DDHD1: variants seen among roughly 807,000 people sequenced by gnomAD.
DDHD1 encodes DDHD domain containing 1.
A neutral mutation model predicts 96.4 loss-of-function variants in DDHD1; 49 were observed. That is an observed-to-expected ratio of 0.51 (90% CI 0.40 to 0.64). DDHD1 has a LOEUF of 0.64. Ranked by LOEUF, DDHD1 falls within the 30% of genes least tolerant of loss-of-function variation. The pLI, the probability that DDHD1 is intolerant of heterozygous loss-of-function variation, is 0.00. For synonymous variants in DDHD1, 442 were observed against 446.5 expected, an observed-to-expected ratio of 0.99 and a Z score of 0.13; for missense variants, 1,106 against 1,161.2, an observed-to-expected ratio of 0.95 and a Z score of 0.69.
chr14:53,112,716 G>A (rs1888201150), intron 1 of DDHD1, among the ~76,000 whole-genome samples: 1 of 152,154 alleles, frequency 6.6e-6, no homozygotes, highest in Non-Finnish European at 1.5e-5. Context: ...TAAGTAACAT[G>A]TGGAATAGTC....
At position 53,153,202 on chromosome 14, in the gene DDHD1, T is replaced by C. The variant is rs1195879146; in HGVS notation, c.-104A>G. On this transcript the variant is annotated 5_prime_UTR_variant, in exon 1 of 13. Coordinates refer to ENST00000673822, the MANE Select transcript of DDHD1 (RefSeq NM_001160148.2). Reference sequence around the variant, plus strand: ...CGCCCTCTCCACCCGAAGTTTCTAATCTTTCAAATCCCGACCCGAGCTGCG... The same window carrying C: ...CGCCCTCTCCACCCGAAGTTTCTAACCTTTCAAATCCCGACCCGAGCTGCG... The C allele has an allele frequency of 9.4e-7, 1 of 1,069,314 alleles. No individual in the cohort carries two copies. Among genetic ancestry groups the C allele is most frequent in the Non-Finnish European group, 1.2e-6 (1 of 809,932 alleles). The allele number at this position is 1,069,314 out of a possible 1,614,324, so 66.2% of individuals were successfully genotyped here. A position where few individuals can be genotyped will look rare whatever the true frequency, so the allele number is the denominator to read the frequency against.
intron 1 of DDHD1, among the ~76,000 whole-genome samples, chr14:53,141,735 T>G (rs556622456): frequency 6.6e-6 from 1 of 152,308 alleles, no homozygotes; most frequent in East Asian, 1.9e-4. Flanking sequence ...TAAGGTGAAG[T>G]GTGAAACTTC....
At chr14:53,116,308 C>T (rs373521523) in intron 1 of DDHD1, among the ~76,000 whole-genome samples, 38 of 152,230 alleles carry the variant, frequency 2.5e-4, no homozygotes, top group African/African-American at 6.5e-4. Context: ...CAATATTAGA[C>T]GGATCAATGA....
At position 53,045,499 on chromosome 14, in the gene DDHD1, C is replaced by G. The variant is rs867841284; in HGVS notation, c.*1269G>C. ...TTGGCCTCCCGAAGTGTTGGGATTA[C>G]AGGCGTGAACCACGGTGACTAGCTC... On this transcript the variant is annotated 3_prime_UTR_variant, in exon 13 of 13. Coordinates refer to ENST00000673822, the MANE Select transcript of DDHD1 (RefSeq NM_001160148.2). 6.6e-6 allele frequency: 1 copy of G among 152,260 alleles called. No individual in the cohort carries two copies. The highest frequency in any genetic ancestry group is 2.4e-5 in the African/African-American group (1 of 41,462). 9.4% of individuals were successfully genotyped at this position (152,260 alleles called of 1,614,324 possible). A position where few individuals can be genotyped will look rare whatever the true frequency, so the allele number is the denominator to read the frequency against.
At chr14:53,078,846 T>C (rs1228873934) in intron 4 of DDHD1, among the ~76,000 whole-genome samples, 1 of 152,228 alleles carries the variant, frequency 6.6e-6, no homozygotes, top group Non-Finnish European at 1.5e-5. Flanking sequence ...AGGCTTTTTG[T>C]AGATGCCCTT....
intron 1 of DDHD1, 148 bp downstream of exon 1, chr14:53,152,113 G>GAGTA: frequency 2.4e-6 from 2 of 833,738 alleles, no homozygotes; most frequent in Non-Finnish European, 3.6e-6. Flanking sequence ...AGCTGCCGAC[G>GAGTA]CTCCCTGCTC....
Position 53,059,401 on chromosome 14 carries a change from C to T in DDHD1, c.1843-775G>A, listed in dbSNP as rs962115008. On this transcript the variant is annotated intron_variant, in intron 8 of 12. Transcript: ENST00000673822. ...CTGGAACTACAGGCGCCCGCCACCA[C>T]GCCCAGCTAATTTTTTTGTATTTTT... Among the ~76,000 whole-genome samples the T allele has an allele frequency of 5.3e-5, 8 of 151,744 alleles. 1 individual carries two copies. The highest frequency in any genetic ancestry group is 4.2e-4 in the South Asian group (2 of 4,804).
chr14:53,103,449 A>G (rs868672839), intron 2 of DDHD1: 1 of 418,850 alleles, frequency 2.4e-6, no homozygotes. Flanking sequence ...GTACATTTAT[A>G]GTAAACTGTG....
At chr14:53,101,856 G>C (rs1566566386) in intron 2 of DDHD1, among the ~76,000 whole-genome samples, 1 of 151,860 alleles carries the variant, frequency 6.6e-6, no homozygotes. Context: ...TTAGAAACAG[G>C]CAGAATCTAG....
intron 1 of DDHD1, among the ~76,000 whole-genome samples, chr14:53,148,216 T>C (rs944262394): frequency 6.6e-6 from 1 of 152,178 alleles, no homozygotes; most frequent in Non-Finnish European, 1.5e-5. Context: ...ATATAAAAAT[T>C]TGGTCAATTA....
chr14:53,137,003 T>C (rs1401333847), intron 1 of DDHD1, among the ~76,000 whole-genome samples: 1 of 152,148 alleles, frequency 6.6e-6, no homozygotes. Flanking sequence ...CAGAAAAAGA[T>C]GTTAAAACAA....
chr14:53,117,857 G>A (rs1480761306), intron 1 of DDHD1, among the ~76,000 whole-genome samples: 8 of 152,144 alleles, frequency 5.3e-5, no homozygotes, highest in South Asian at 2.1e-4. Flanking sequence ...CTCCTCAAGC[G>A]GGTCCCTGAC....
chr14:53,139,406 C>G (rs752213343), intron 1 of DDHD1, among the ~76,000 whole-genome samples: 1 of 152,122 alleles, frequency 6.6e-6, no homozygotes, highest in Non-Finnish European at 1.5e-5. Context: ...AAGAATAAAG[C>G]AGACCTGAAG....
At chr14:53,145,454 G>C (rs1330410218) in intron 1 of DDHD1, among the ~76,000 whole-genome samples, 4 of 129,212 alleles carry the variant, frequency 3.1e-5, no homozygotes, top group African/African-American at 1.2e-4. Context: ...AGTGAACTAT[G>C]ATCACTCCAC....
intron 11 of DDHD1, among the ~76,000 whole-genome samples, chr14:53,052,306 T>G (rs756552483): frequency 2.6e-5 from 4 of 152,006 alleles, no homozygotes; most frequent in Non-Finnish European, 5.9e-5. Flanking sequence ...TAAAATAGGT[T>G]TCAATTGACA....
Position 53,061,460 on chromosome 14 carries a change from A to G in DDHD1, c.1767-259T>C, listed in dbSNP as rs1883547779. The stretch of plus-strand genomic sequence containing the variant: ...TTTTGTAGTAAAATGTGAGTCATAT[A>G]CAAGCACATATACATCTTTTAAAAA... On this transcript the variant is annotated intron_variant, in intron 7 of 12. Coordinates refer to ENST00000673822, the MANE Select transcript of DDHD1 (RefSeq NM_001160148.2). 1.5e-5 allele frequency: 5 copies of G among 340,840 alleles called. No individual in the cohort carries two copies. In the East Asian group the frequency reaches 2.7e-4, roughly 18 times the overall value. 21.1% of individuals were successfully genotyped at this position (340,840 alleles called of 1,614,324 possible). A position where few individuals can be genotyped will look rare whatever the true frequency, so the allele number is the denominator to read the frequency against.
At chr14:53,143,992 A>G (rs1890817184) in intron 1 of DDHD1, among the ~76,000 whole-genome samples, 1 of 152,200 alleles carries the variant, frequency 6.6e-6, no homozygotes, top group Non-Finnish European at 1.5e-5. Context: ...GTCTTTCCAT[A>G]AAAGGGAGAA....
At chr14:53,080,236 C>A (rs1470266727) in intron 4 of DDHD1, among the ~76,000 whole-genome samples, 2 of 152,090 alleles carry the variant, frequency 1.3e-5, no homozygotes, top group African/African-American at 4.8e-5. Flanking sequence ...TGGTGTGCAC[C>A]TGTAGTCCCA....
At chr14:53,100,680 A>G (rs181845602) in intron 2 of DDHD1, among the ~76,000 whole-genome samples, 1 of 152,298 alleles carries the variant, frequency 6.6e-6, no homozygotes, top group Admixed American at 6.5e-5. Context: ...AGGTCAGAAG[A>G]AAAAGGAATT....
Sources: gnomAD v4.1 joint callset for allele counts (sites outside exome capture counted in the v4.1 genomes callset) on GRCh38, gnomAD v4.1.1 for gene constraint, MANE v1.5 for transcripts, NCBI Gene and HGNC (gene_info 2026-07-23, HGNC 2026-07-21) for gene names.